The following FGGY variants were observed in gnomAD, a reference collection of about 807,000 sequenced individuals.
FGGY encodes FGGY carbohydrate kinase domain containing.
FGGY carries 72 observed loss-of-function variants against 71.3 expected under a neutral mutation model. The ratio of observed to expected loss-of-function variants is 1.01; its 90% CI spans 0.84 to 1.23. The LOEUF (loss-of-function observed/expected upper bound fraction) is 1.23. Among genes scored for constraint, FGGY ranks in the 50% most tolerant of loss-of-function variants. The pLI is 0.00. For synonymous variants in FGGY, 251 were observed against 250.3 expected (o/e 1.00, Z -0.02); for missense variants, 668 against 682.3 (o/e 0.98, Z 0.23).
chr1:59,477,818 A>G (rs2093327907), intron 6 of FGGY, among the ~76,000 whole-genome samples: 1 of 152,212 alleles, frequency 6.6e-6, no homozygotes, highest in South Asian at 2.1e-4. Context: ...TTAAATTGAA[A>G]GCACAGAAAC....
intron 8 of FGGY, among the ~76,000 whole-genome samples, chr1:59,565,697 C>A (rs764557465): frequency 3.9e-5 from 6 of 152,126 alleles, no homozygotes; most frequent in African/African-American, 1.4e-4. Flanking sequence ...CATAAACACA[C>A]GTGTTTTGTG....
In FGGY at chr1:59,300,457, C is replaced by T. The variant is rs577715806; in HGVS notation, c.-15+3307C>T. Among the ~76,000 whole-genome samples the T allele has an allele frequency of 2.6e-5, 4 of 152,184 alleles. 1 individual carries two copies. The Middle Eastern group carries it at 0.01, about 388-fold the overall frequency. On this transcript the variant is annotated intron_variant, in intron 1 of 15. Coordinates refer to ENST00000303721, the MANE Select transcript of FGGY (RefSeq NM_018291.5). ...TTGTCTCAACAGTGTCTTTTGAAAG[C>T]AGAGTTCTTAATTTTGATGAAGTCT... is the stretch of plus-strand genomic sequence containing the variant.
At chr1:59,531,899 A>G (rs535508662) in intron 7 of FGGY, among the ~76,000 whole-genome samples, 2 of 152,370 alleles carry the variant, frequency 1.3e-5, no homozygotes, top group South Asian at 4.1e-4. Flanking sequence ...AGCTAACTGC[A>G]AGAAGCAAGG....
chr1:59,532,504 G>C (rs1438657090), intron 7 of FGGY, among the ~76,000 whole-genome samples: 2 of 152,136 alleles, frequency 1.3e-5, no homozygotes, highest in Non-Finnish European at 2.9e-5. Flanking sequence ...ACTCAAGTGA[G>C]TTATTTTAAC....
intron 7 of FGGY, among the ~76,000 whole-genome samples, chr1:59,548,140 T>G (rs1276990512): frequency 2.0e-5 from 3 of 152,174 alleles, no homozygotes; most frequent in Admixed American, 2.0e-4. Flanking sequence ...TGGGGAGATG[T>G]GATCAGGAAA....
intron 10 of FGGY, among the ~76,000 whole-genome samples, chr1:59,627,616 G>A (rs1006221412): frequency 2.6e-5 from 4 of 151,640 alleles, no homozygotes; most frequent in African/African-American, 7.3e-5. Context: ...GCAATGACAC[G>A]ATAGTAGCAA....
At chr1:59,340,209 T>C (rs1370003890) in intron 3 of FGGY, 140 bp downstream of exon 3, 9 of 631,262 alleles carry the variant, frequency 1.4e-5, no homozygotes, top group East Asian at 1.4e-4. Flanking sequence ...ACAGATCATG[T>C]TGCAGAAGTC....
intron 6 of FGGY, among the ~76,000 whole-genome samples, chr1:59,481,165 T>C (rs955844495): frequency 3.3e-5 from 5 of 152,244 alleles, no homozygotes; most frequent in African/African-American, 1.2e-4. Context: ...ATCAGGGAAC[T>C]GTTAAAACAT....
intron 14 of FGGY, chr1:59,699,472 C>G: frequency 1.2e-6 from 1 of 864,712 alleles, no homozygotes; most frequent in Non-Finnish European, 1.4e-6. Flanking sequence ...GCTAAAATCT[C>G]AAAAACAACC....
intron 4 of FGGY, among the ~76,000 whole-genome samples, chr1:59,375,805 GC>G (rs1477566633): frequency 1.3e-5 from 2 of 151,722 alleles, no homozygotes; most frequent in African/African-American, 4.8e-5. Context: ...TCCCACAGTG[GC>G]TGGCTGTGTG....
chr1:59,378,613 C>T lies in FGGY; in HGVS notation c.466-136C>T, dbSNP rs756022187. The T allele has an allele frequency of 1.2e-5, 8 of 643,658 alleles. No individual in the cohort carries two copies. The African/African-American group carries it at 1.5e-4, about 12-fold the overall frequency. 39.9% of individuals were successfully genotyped at this position (643,658 alleles called of 1,614,324 possible). On this transcript the variant is annotated intron_variant, in intron 4 of 15. Coordinates refer to ENST00000303721, the MANE Select transcript of FGGY (RefSeq NM_018291.5). ...GTACTGCTTTTATATTATTCCTACC[C>T]CCACCAAGCTCCTGAACAGATGTTT... is the stretch of plus-strand genomic sequence containing the variant.
chr1:59,418,854 A>G (rs1343176978), intron 5 of FGGY, among the ~76,000 whole-genome samples: 1 of 152,170 alleles, frequency 6.6e-6, no homozygotes, highest in East Asian at 1.9e-4. Flanking sequence ...GACAGGCCAT[A>G]AATGAATGGA....
chr1:59,320,608 G>T (rs981882429), intron 1 of FGGY, among the ~76,000 whole-genome samples: 1 of 152,186 alleles, frequency 6.6e-6, no homozygotes, highest in Admixed American at 6.5e-5. Flanking sequence ...ATGTTCTCTG[G>T]TCAGATTTCC....
intron 9 of FGGY, among the ~76,000 whole-genome samples, chr1:59,617,100 A>G (rs973081916): frequency 6.6e-6 from 1 of 152,134 alleles, no homozygotes; most frequent in African/African-American, 2.4e-5. Flanking sequence ...TCCCGCTTGC[A>G]TATGCACATC....
At chr1:59,305,140 C>CT (rs1426757095) in intron 1 of FGGY, among the ~76,000 whole-genome samples, 1 of 152,062 alleles carries the variant, frequency 6.6e-6, no homozygotes, top group Non-Finnish European at 1.5e-5. Flanking sequence ...TGTTCCTGAT[C>CT]TTAAAGGAAA....
chr1:59,456,977 G>T lies in FGGY; in HGVS notation c.571G>T (p.Val191Leu), dbSNP rs72913795. 2.5e-5 allele frequency: 41 copies of T among 1,613,286 alleles called. No individual in the cohort carries two copies. The African/African-American group carries it at 5.5e-4, about 22-fold the overall frequency. Residue 191 changes from valine (V) to leucine (L), a missense_variant, in exon 6 of 16, where the codon GTG becomes TTG. Coordinates refer to ENST00000303721, the MANE Select transcript of FGGY (RefSeq NM_018291.5). ...GVTARSLCSL[V>L]CKWTYSAEKG... is the part of the protein sequence containing the mutation. ...TTTTCTTAGGTCTCTCTGCTCCCTGGTGTGTAAGTGGACATATTCAGCAGA... is the reference window on the plus strand; with the variant it reads ...TTTTCTTAGGTCTCTCTGCTCCCTGTTGTGTAAGTGGACATATTCAGCAGA...
At chr1:59,467,496 A>T (rs1223387986) in intron 6 of FGGY, among the ~76,000 whole-genome samples, 1 of 150,378 alleles carries the variant, frequency 6.6e-6, no homozygotes, top group Non-Finnish European at 1.5e-5. Context: ...TTAAAGTATA[A>T]TAAAAAAAAA....
At chr1:59,501,839 C>G (rs2094234927) in intron 6 of FGGY, among the ~76,000 whole-genome samples, 2 of 152,172 alleles carry the variant, frequency 1.3e-5, no homozygotes, top group Non-Finnish European at 2.9e-5. Context: ...GCATATATCT[C>G]CACATGCTGT....
intron 4 of FGGY, among the ~76,000 whole-genome samples, chr1:59,375,727 C>G (rs900565522): frequency 7.2e-5 from 11 of 152,112 alleles, no homozygotes; most frequent in East Asian, 3.8e-4. Flanking sequence ...CCTTGCTCCT[C>G]CTATTCCCAG....
Sources: gnomAD v4.1 joint callset for allele counts (sites outside exome capture counted in the v4.1 genomes callset) on GRCh38, gnomAD v4.1.1 for gene constraint, MANE v1.5 for transcripts, NCBI Gene and HGNC (gene_info 2026-07-23, HGNC 2026-07-21) for gene names.